Variants in COMMD9 observed in about 807,000 individuals in gnomAD.
COMMD9 encodes COMM domain-containing protein 9.
COMMD9 carries 22 observed loss-of-function variants against 23.4 expected under a neutral mutation model. The observed-to-expected ratio is 0.94, with a 90% CI of 0.67 to 1.34. The LOEUF (loss-of-function observed/expected upper bound fraction) is 1.34. Ranked by LOEUF, COMMD9 falls within the 40% of genes most tolerant of loss-of-function variation. The pLI, the probability that COMMD9 is intolerant of heterozygous loss-of-function variation, is 0.00. For missense variants in COMMD9, 231 were observed against 240.2 expected, an observed-to-expected ratio of 0.96 and a Z score of 0.25; for synonymous variants, 99 against 97.4, an observed-to-expected ratio of 1.02 and a Z score of -0.10.
At chr11:36,276,545 C>A in intron 4 of COMMD9, 1 of 326,618 alleles carries the variant, frequency 3.1e-6, no homozygotes, top group Non-Finnish European at 5.7e-6. Flanking sequence ...GAAATCATGG[C>A]CTGAGCCTTA....
chr11:36,284,378 T>C (rs1235910187), intron 1 of COMMD9, among the ~76,000 whole-genome samples: 1 of 152,160 alleles, frequency 6.6e-6, no homozygotes, highest in Non-Finnish European at 1.5e-5. Flanking sequence ...TTGGAAAATA[T>C]GTGAAGCAAA....
intron 3 of COMMD9, among the ~76,000 whole-genome samples, chr11:36,278,012 T>G (rs1345509498): frequency 6.6e-6 from 1 of 152,200 alleles, no homozygotes; most frequent in Non-Finnish European, 1.5e-5. Context: ...GGAGCAAAGT[T>G]TTCATTGTAA....
chr11:36,285,011 A>G (rs1856128640), intron 1 of COMMD9, among the ~76,000 whole-genome samples: 1 of 152,198 alleles, frequency 6.6e-6, no homozygotes. Flanking sequence ...AAGCAGTGGA[A>G]GTAACAATGA....
At chr11:36,287,541 G>C (rs1387068364) in intron 1 of COMMD9, among the ~76,000 whole-genome samples, 1 of 150,530 alleles carries the variant, frequency 6.6e-6, no homozygotes. Flanking sequence ...AGGATAAATG[G>C]GATCTCTCTA....
At chr11:36,289,337 C>T in intron 1 of COMMD9, 25 bp downstream of exon 1, 3 of 1,548,300 alleles carry the variant, frequency 1.9e-6, no homozygotes, top group Non-Finnish European at 2.6e-6. Context: ...GGCCACCTCA[C>T]GCTGTCCCCA....
At chr11:36,278,332 G>C (rs1856008810) in intron 3 of COMMD9, 145 bp downstream of exon 3, 1 of 705,496 alleles carries the variant, frequency 1.4e-6, no homozygotes, top group Admixed American at 2.7e-5. Flanking sequence ...CATCTGGCTG[G>C]TGGAATTACA....
chr11:36,274,641 G>A lies in COMMD9; in HGVS notation c.588C>T (p.Ala196=), dbSNP rs527714446. Residue 196 remains alanine (A), a synonymous_variant, in exon 6 of 6, where the codon GCC becomes GCT. Transcript: ENST00000263401. ...GRIRDQLSAV[A]SK ...CTGGCAGCTGGCTGGATCATTTACT[G>A]GCCACGGCAGAGAGTTGGTCTCGGA... 3 of 1,614,232 alleles carry A rather than the reference G, an allele frequency of 1.9e-6. No homozygotes were observed. In the South Asian group the frequency reaches 3.3e-5, roughly 18 times the overall value.
intron 5 of COMMD9, 66 bp from the exon 6 acceptor site, chr11:36,274,838 C>G: frequency 1.3e-6 from 2 of 1,589,856 alleles, no homozygotes; most frequent in Non-Finnish European, 8.6e-7. Flanking sequence ...TAAGTGAGCC[C>G]TGAACCTGCG....
rs148080706 is a variant in COMMD9, at chr11:36,280,971, G to A, written c.52-134C>T. ...AAGGTACATAAGACTTTGGATTCTA[G>A]GAAGATCAAATAGATGTACTTTTCC... is the stretch of plus-strand genomic sequence containing the variant. On this transcript the variant is annotated intron_variant, in intron 1 of 5. Coordinates refer to ENST00000263401, the MANE Select transcript of COMMD9 (RefSeq NM_014186.4). 190 of 918,896 alleles carry A rather than the reference G, an allele frequency of 2.1e-4. 1 individual carries two copies. In the East Asian group the frequency reaches 3.8e-3, roughly 18 times the overall value. 56.9% of individuals were successfully genotyped at this position (918,896 alleles called of 1,614,324 possible).
At chr11:36,281,343 C>T (rs986937998) in intron 1 of COMMD9, among the ~76,000 whole-genome samples, 1 of 152,216 alleles carries the variant, frequency 6.6e-6, no homozygotes, top group African/African-American at 2.4e-5. Flanking sequence ...CAGCCCCACC[C>T]ACCTCTATGT....
In COMMD9 at chr11:36,274,096, G is replaced by C. The variant is rs764788404; in HGVS notation, c.*536C>G. 11 of 360,030 alleles carry C rather than the reference G, an allele frequency of 3.1e-5. No homozygotes were observed. Among genetic ancestry groups the C allele is most frequent in the African/African-American group, 8.5e-5 (4 of 47,042 alleles). The allele number at this position is 360,030 out of a possible 1,614,324, so 22.3% of individuals were successfully genotyped here. On this transcript the variant is annotated 3_prime_UTR_variant, in exon 6 of 6. Transcript: ENST00000263401. ...CATTTCAGACTTCCTACACTGAAGA[G>C]GGGTTCCAGTATGGTGGAGGGGGCT...
At chr11:36,276,348 T>C in intron 4 of COMMD9, 108 bp from the exon 5 acceptor site, 1 of 720,320 alleles carries the variant, frequency 1.4e-6, no homozygotes, top group Non-Finnish European at 2.5e-6. Flanking sequence ...CATTGGTCTA[T>C]GCAGCAAGTC....
intron 5 of COMMD9, among the ~76,000 whole-genome samples, chr11:36,275,569 G>C (rs149584091): frequency 1.1e-3 from 169 of 151,836 alleles, no homozygotes; most frequent in African/African-American, 3.8e-3. Context: ...TCAGCCTCCT[G>C]AGTAGCTGGG....
rs538233219 is a variant in COMMD9, at chr11:36,272,626, G to A, written c.*2006C>T. 18 of 152,292 alleles carry A rather than the reference G, an allele frequency of 1.2e-4. No homozygotes were observed. The East Asian group carries it at 1.9e-3, about 16-fold the overall frequency. The allele number at this position is 152,292 out of a possible 1,614,324, so 9.4% of individuals were successfully genotyped here. On this transcript the variant is annotated 3_prime_UTR_variant, in exon 6 of 6. Coordinates refer to ENST00000263401, the MANE Select transcript of COMMD9 (RefSeq NM_014186.4). Reference sequence around the variant, plus strand: ...CTTCTGGGGTCCTTGACCTCTTGTCGTTGCATGCAAAAAATTGAATGTTCA... The same window carrying A: ...CTTCTGGGGTCCTTGACCTCTTGTCATTGCATGCAAAAAATTGAATGTTCA...
In COMMD9 at chr11:36,274,114, AGGGGG is replaced by A; in HGVS notation, c.*513_*517del. ...CTGAAGAGGGGTTCCAGTATGGTGG[AGGGGG>A]CTCAGGGAACACTCTGGATGGACCA... On this transcript the variant is annotated 3_prime_UTR_variant, in exon 6 of 6. Coordinates refer to ENST00000263401, the MANE Select transcript of COMMD9 (RefSeq NM_014186.4). 10 of 376,258 alleles carry A rather than the reference AGGGGG, an allele frequency of 2.7e-5. No individual in the cohort carries two copies. Among genetic ancestry groups the A allele is most frequent in the South Asian group, 1.2e-4 (6 of 51,722 alleles). 23.3% of individuals were successfully genotyped at this position (376,258 alleles called of 1,614,324 possible).
intron 1 of COMMD9, among the ~76,000 whole-genome samples, chr11:36,281,347 T>C (rs1856063141): frequency 6.6e-6 from 1 of 152,132 alleles, no homozygotes; most frequent in Admixed American, 6.5e-5. Context: ...CCCACCCACC[T>C]CTATGTCAAC....
chr11:36,277,098 C>T lies in COMMD9; in HGVS notation c.343G>A (p.Ala115Thr), dbSNP rs1855985408. The change falls in exon 4 of 6, where the codon GCA (alanine) becomes ACA (threonine). Residue 115 changes from alanine (A) to threonine (T), a missense_variant. Ala to Thr is a moderately conservative substitution (Grantham distance 58, BLOSUM62 0). Transcript: ENST00000263401. Reference sequence around the variant, plus strand: ...ATTTATTGGTACTCACTCTGATTTGCCTGGGCTTCGGTTCTCCAAGTAGAC... The same window carrying T: ...ATTTATTGGTACTCACTCTGATTTGTCTGGGCTTCGGTTCTCCAAGTAGAC... ...HVSTWRTEAQ[A>T]NQISLPRLVD... 6.2e-7 allele frequency: 1 copy of T among 1,605,374 alleles called. No individual in the cohort carries two copies. Among genetic ancestry groups the T allele is most frequent in the East Asian group, 2.2e-5 (1 of 44,484 alleles).
chr11:36,280,690 G>A (rs1290277043), intron 2 of COMMD9, 22 bp downstream of exon 2: 2 of 1,564,872 alleles, frequency 1.3e-6, no homozygotes, highest in Non-Finnish European at 1.7e-6. Flanking sequence ...AGTGGCCAAA[G>A]ATCATTTCTG....
rs1855986584 is a variant in COMMD9, at chr11:36,277,121, G to A, written c.320C>T (p.Ser107Phe). The change falls in exon 4 of 6, where the codon TCT (serine) becomes TTT (phenylalanine). Residue 107 changes from serine to phenylalanine, a missense_variant and splice_region_variant. Physicochemically the swap from Ser to Phe is radical, Grantham distance 155. Transcript: ENST00000263401. Reference protein sequence around the residue: ...LLTKIILEHVSTWRTEAQANQ... With the variant: ...LLTKIILEHVFTWRTEAQANQ... ...TGCCTGGGCTTCGGTTCTCCAAGTAGACCTGTTTAAGAGGGAAAGATGAGG... is the reference window on the plus strand; with the variant it reads ...TGCCTGGGCTTCGGTTCTCCAAGTAAACCTGTTTAAGAGGGAAAGATGAGG... The A allele has an allele frequency of 2.5e-6, 4 of 1,598,116 alleles. No homozygotes were observed. In the African/African-American group the frequency reaches 4.0e-5, roughly 16 times the overall value.
Sources: allele counts gnomAD v4.1 joint callset (sites outside exome capture counted in the v4.1 genomes callset), GRCh38; gene constraint gnomAD v4.1.1; transcripts MANE v1.5; gene names NCBI Gene and HGNC (gene_info 2026-07-23, HGNC 2026-07-21).